Variants in CDS2 observed in about 807,000 individuals in gnomAD.
The protein encoded by CDS2 is phosphatidate cytidylyltransferase 2.
In CDS2, 47 loss-of-function variants were observed where a neutral mutation model predicts 59.0. That is an observed-to-expected ratio of 0.80 (90% CI 0.63 to 1.02). CDS2 has a LOEUF of 1.02. Ranked by LOEUF, CDS2 falls within the 50% of genes least tolerant of loss-of-function variation. The pLI is 0.00. For synonymous variants in CDS2, 207 were observed against 206.4 expected (o/e 1.00, Z -0.02); for missense variants, 356 against 558.9 (o/e 0.64, Z 3.66).
rs539108179 is a variant in CDS2 at position 5,195,485 on chromosome 20, A to T, written c.*5251A>T. The T allele has an allele frequency of 6.6e-6, 1 of 152,250 alleles. No individual in the cohort carries two copies. Among genetic ancestry groups the T allele is most frequent in the East Asian group, 1.9e-4 (1 of 5,162 alleles). The allele number at this position is 152,250 out of a possible 1,614,324, so 9.4% of individuals were successfully genotyped here. ...CTCACCTCCTCTGCCCACAGTCTGG[A>T]CTGCTTGTGGGAAGGCCATCTCCTC... On this transcript the variant is annotated 3_prime_UTR_variant, in exon 13 of 13. Transcript: ENST00000460006.
In CDS2 at chr20:5,137,838, G is replaced by A. The variant is rs992613979; in HGVS notation, c.57+10689G>A. ...TTTTGAGACGGAGTCTCGCTCTGTC[G>A]CCCAGGCTGGAGTACAGTGGCACGA... On this transcript the variant is annotated intron_variant, in intron 1 of 12. Transcript: ENST00000460006. 7.3e-5 allele frequency among the ~76,000 whole-genome samples: 11 copies of A among 151,036 alleles called. No homozygotes were observed. In the East Asian group the frequency reaches 9.9e-4, roughly 14 times the overall value.
chr20:5,137,632 A>G (rs1396613626), intron 1 of CDS2, among the ~76,000 whole-genome samples: 1 of 151,816 alleles, frequency 6.6e-6, no homozygotes, highest in Non-Finnish European at 1.5e-5. Context: ...TAAAAATTAC[A>G]GAAGTAGGTC....
intron 8 of CDS2, 54 bp from the exon 9 acceptor site, chr20:5,185,704 C>A: frequency 6.7e-7 from 1 of 1,494,186 alleles, no homozygotes; most frequent in Non-Finnish European, 9.3e-7. Flanking sequence ...TCATTGTTCG[C>A]AAAGCTATAG....
At chr20:5,181,213 A>G (rs1210062943) in intron 5 of CDS2, among the ~76,000 whole-genome samples, 2 of 152,222 alleles carry the variant, frequency 1.3e-5, no homozygotes, top group African/African-American at 2.4e-5. Context: ...TTACATCACC[A>G]ATCCCTCTTG....
intron 1 of CDS2, among the ~76,000 whole-genome samples, chr20:5,171,642 G>A (rs1489950237): frequency 6.6e-6 from 1 of 152,238 alleles, no homozygotes; most frequent in Non-Finnish European, 1.5e-5. Flanking sequence ...GGAGAGGGAC[G>A]ACTCTGGAGA....
chr20:5,167,733 C>T (rs889742568), intron 1 of CDS2, among the ~76,000 whole-genome samples: 2 of 152,168 alleles, frequency 1.3e-5, no homozygotes, highest in Non-Finnish European at 2.9e-5. Context: ...CAGCTGGTCA[C>T]AGGGCTTGAT....
intron 1 of CDS2, among the ~76,000 whole-genome samples, chr20:5,160,622 A>C (rs144490357): frequency 3.6e-4 from 55 of 152,334 alleles, no homozygotes; most frequent in African/African-American, 1.3e-3. Context: ...TGAGTACGTT[A>C]ACATTGTTTT....
intron 1 of CDS2, among the ~76,000 whole-genome samples, chr20:5,161,029 CTT>C (rs1433275416): frequency 6.6e-6 from 1 of 152,166 alleles, no homozygotes; most frequent in East Asian, 1.9e-4. Context: ...ACAAATATCT[CTT>C]TGAGTCCCTG....
intron 1 of CDS2, among the ~76,000 whole-genome samples, chr20:5,143,268 T>G (rs1185950488): frequency 6.6e-6 from 1 of 152,140 alleles, no homozygotes; most frequent in Non-Finnish European, 1.5e-5. Context: ...TGGCTAAAAT[T>G]AAAAAGAATG....
At position 5,181,957 on chromosome 20, in the gene CDS2, G is replaced by A. The variant is rs1254916027; in HGVS notation, c.530-430G>A. 2.0e-5 allele frequency among the ~76,000 whole-genome samples: 3 copies of A among 152,168 alleles called. No homozygotes were observed. The East Asian group carries it at 5.8e-4, about 29-fold the overall frequency. ...GTGGTGTGTTGTTGACGAGAACCTC[G>A]TTGTTCAGAGCATGACTGTACTCAG... On this transcript the variant is annotated intron_variant, in intron 5 of 12. Coordinates refer to ENST00000460006, the MANE Select transcript of CDS2 (RefSeq NM_003818.4).
intron 1 of CDS2, among the ~76,000 whole-genome samples, chr20:5,140,993 C>T (rs1171857435): frequency 6.6e-6 from 1 of 152,180 alleles, no homozygotes; most frequent in East Asian, 1.9e-4. Flanking sequence ...TTATTAAAGT[C>T]TCTTGTTATA....
chr20:5,186,642 G>T (rs565819112), intron 9 of CDS2, 45 bp from the exon 10 acceptor site: 8 of 1,608,036 alleles, frequency 5.0e-6, no homozygotes, highest in Non-Finnish European at 6.8e-6. Flanking sequence ...GGGCTGGATG[G>T]TTGGAACTTA....
chr20:5,140,574 A>G lies in CDS2; in HGVS notation c.57+13425A>G, dbSNP rs142888460. Among the ~76,000 whole-genome samples the G allele has an allele frequency of 3.3e-5, 5 of 152,366 alleles. No individual in the cohort carries two copies. In the East Asian group the frequency reaches 7.7e-4, roughly 23 times the overall value. ...CCTGAACAATAGGGCTGAGAATACT[A>G]TCAACCTTATAGGGTTGTTCCGAGG... On this transcript the variant is annotated intron_variant, in intron 1 of 12. Coordinates refer to ENST00000460006, the MANE Select transcript of CDS2 (RefSeq NM_003818.4).
In CDS2 at chr20:5,189,745, A is replaced by C; in HGVS notation, c.1112A>C (p.Asn371Thr). ...CCCTGCCTCTAACAGGACTTTGCCA[A>C]TACCATTCCTGGCCATGGAGGCATC... is the stretch of plus-strand genomic sequence containing the variant. ...KRAFKIKDFANTIPGHGGIMD... is the reference protein window; with the variant it reads ...KRAFKIKDFATTIPGHGGIMD... The change falls in exon 12 of 13, where the codon AAT (asparagine) becomes ACT (threonine). Residue 371 changes from asparagine to threonine, a missense_variant. Transcript: ENST00000460006. The C allele has an allele frequency of 6.2e-7, 1 of 1,613,874 alleles. No homozygotes were observed.
intron 1 of CDS2, among the ~76,000 whole-genome samples, chr20:5,132,775 A>G (rs1387615339): frequency 6.6e-6 from 1 of 152,130 alleles, no homozygotes; most frequent in African/African-American, 2.4e-5. Context: ...TATTTTAAAA[A>G]CTCAATTACT....
chr20:5,143,368 A>G (rs533797916), intron 1 of CDS2, among the ~76,000 whole-genome samples: 1 of 152,306 alleles, frequency 6.6e-6, no homozygotes, highest in Non-Finnish European at 1.5e-5. Flanking sequence ...ATTCTGGAAA[A>G]CTGCTTGACA....
At chr20:5,133,114 G>T (rs1452129662) in intron 1 of CDS2, among the ~76,000 whole-genome samples, 5 of 152,130 alleles carry the variant, frequency 3.3e-5, no homozygotes, top group African/African-American at 9.7e-5. Flanking sequence ...GGCGGAGCTT[G>T]CAGTGAGCCG....
chr20:5,164,518 A>C (rs1274889086), intron 1 of CDS2, among the ~76,000 whole-genome samples: 1 of 152,026 alleles, frequency 6.6e-6, no homozygotes, highest in Admixed American at 6.6e-5. Flanking sequence ...TGGGGAGCAC[A>C]CTTGAGCCCA....
chr20:5,142,814 A>T (rs532432259), intron 1 of CDS2, among the ~76,000 whole-genome samples: 5 of 152,174 alleles, frequency 3.3e-5, no homozygotes, highest in Non-Finnish European at 7.4e-5. Context: ...CTTCAAAATA[A>T]ATGTATATAA....
Sources: allele counts gnomAD v4.1 joint callset (sites outside exome capture counted in the v4.1 genomes callset), GRCh38; gene constraint gnomAD v4.1.1; transcripts MANE v1.5; gene names NCBI Gene and HGNC (gene_info 2026-07-23, HGNC 2026-07-21).